KLF12: variants seen among roughly 807,000 people sequenced by gnomAD.
The protein encoded by KLF12 is Krueppel-like factor 12.
In KLF12, 9 loss-of-function variants were observed where a neutral mutation model predicts 37.8. That is an observed-to-expected ratio of 0.24 (90% CI 0.14 to 0.42). The LOEUF is 0.42. Among genes scored for constraint, KLF12 ranks in the 10% least tolerant of loss-of-function variants. The pLI is 1.00. For missense variants in KLF12, 411 were observed against 516.0 expected (o/e 0.80, Z 1.97); for synonymous variants, 208 against 202.1 (o/e 1.03, Z -0.25).
At chr13:74,089,813 A>G (rs1222235068) in intron 1 of KLF12, among the ~76,000 whole-genome samples, 1 of 151,578 alleles carries the variant, frequency 6.6e-6, no homozygotes, top group South Asian at 2.1e-4. Flanking sequence ...GAAAAAAAAA[A>G]AAAAAAAAAC....
At chr13:74,050,186 CA>C (rs1872820308) in intron 1 of KLF12, among the ~76,000 whole-genome samples, 1 of 152,064 alleles carries the variant, frequency 6.6e-6, no homozygotes, top group African/African-American at 2.4e-5. Flanking sequence ...AAGTAACTGA[CA>C]AATGTATTGG....
chr13:74,089,828 A>G (rs750903826), intron 1 of KLF12, among the ~76,000 whole-genome samples: 94 of 147,190 alleles, frequency 6.4e-4, no homozygotes, highest in Admixed American at 1.5e-3. Context: ...AAAAACAACC[A>G]TGGCTAGTAT....
the KLF12 span, among the ~76,000 whole-genome samples, chr13:74,162,275 GTCC>G: frequency 5.9e-5 from 9 of 152,304 alleles, no homozygotes; most frequent in African/African-American, 1.9e-4. Context: ...TTTGCCTACT[GTCC>G]TCCTCCTCAT....
chr13:73,913,872 CATATT>C (rs1197916736), intron 3 of KLF12, among the ~76,000 whole-genome samples: 3 of 152,150 alleles, frequency 2.0e-5, no homozygotes, highest in Non-Finnish European at 4.4e-5. Context: ...GTGATACAAA[CATATT>C]ATAATTGCAT....
chr13:74,150,127 G>A, the KLF12 span, among the ~76,000 whole-genome samples: 1 of 150,700 alleles, frequency 6.6e-6, no homozygotes, highest in Non-Finnish European at 1.5e-5. Context: ...AGTAAGGACT[G>A]ATTTTTTTTT....
At chr13:73,970,992 C>T (rs1167781220) in intron 2 of KLF12, among the ~76,000 whole-genome samples, 1 of 152,024 alleles carries the variant, frequency 6.6e-6, no homozygotes, top group Non-Finnish European at 1.5e-5. Context: ...GAGAAGGCAT[C>T]TTTGAAAAAC....
chr13:73,933,780 C>T (rs1020056472), intron 3 of KLF12, among the ~76,000 whole-genome samples: 2 of 152,224 alleles, frequency 1.3e-5, no homozygotes, highest in East Asian at 1.9e-4. Context: ...TATTTGCTCT[C>T]CTATACAGTT....
chr13:74,175,039 C>T, the KLF12 span, among the ~76,000 whole-genome samples: 7 of 152,178 alleles, frequency 4.6e-5, no homozygotes, highest in African/African-American at 9.7e-5. Flanking sequence ...CTGCAGATGC[C>T]ACAAGCATGG....
chr13:74,026,628 G>C (rs1925046), intron 1 of KLF12, among the ~76,000 whole-genome samples: 22,734 of 152,078 alleles, frequency 0.15, 2,252 homozygotes, highest in Middle Eastern at 0.24. Context: ...TCTGTTACAT[G>C]TATTTTACTA....
intron 5 of KLF12, chr13:73,802,016 T>C (rs552469857): frequency 1.3e-4 from 20 of 152,180 alleles, no homozygotes; most frequent in African/African-American, 4.8e-4. Flanking sequence ...CTTAACCCAA[T>C]AGTTTCCAAG....
At chr13:74,129,133 T>C (rs1878118815) in intron 1 of KLF12, among the ~76,000 whole-genome samples, 1 of 152,198 alleles carries the variant, frequency 6.6e-6, no homozygotes, top group South Asian at 2.1e-4. Context: ...AAGTCCGTTA[T>C]AAAAAATAAT....
intron 1 of KLF12, among the ~76,000 whole-genome samples, chr13:74,010,218 C>G (rs1476495843): frequency 6.6e-6 from 1 of 152,122 alleles, no homozygotes; most frequent in African/African-American, 2.4e-5. Context: ...ACCAGGATTA[C>G]AGGCAAGCAC....
chr13:74,078,454 G>A (rs771871152), intron 1 of KLF12, among the ~76,000 whole-genome samples: 67 of 152,114 alleles, frequency 4.4e-4, no homozygotes, highest in Non-Finnish European at 8.1e-4. Context: ...TCAAGCATTA[G>A]TTAAAACTGT....
intron 3 of KLF12, among the ~76,000 whole-genome samples, chr13:73,918,582 G>C (rs917424850): frequency 2.0e-5 from 3 of 152,102 alleles, no homozygotes; most frequent in Admixed American, 6.5e-5. Context: ...TCTGTGATGT[G>C]AGCTAGATAT....
At chr13:73,897,286 T>C (rs1385021590) in intron 3 of KLF12, among the ~76,000 whole-genome samples, 1 of 152,218 alleles carries the variant, frequency 6.6e-6, no homozygotes, top group African/African-American at 2.4e-5. Flanking sequence ...TTCCTTATTT[T>C]TATTTTGAAT....
the KLF12 span, among the ~76,000 whole-genome samples, chr13:74,162,739 G>C: frequency 6.6e-6 from 1 of 152,166 alleles, no homozygotes; most frequent in Non-Finnish European, 1.5e-5. Context: ...AGAGGCATTG[G>C]TTAAAGTGCC....
intron 1 of KLF12, among the ~76,000 whole-genome samples, chr13:74,079,882 T>G (rs889390962): frequency 2.6e-5 from 4 of 152,202 alleles, no homozygotes; most frequent in African/African-American, 9.7e-5. Flanking sequence ...CTTCTGGATA[T>G]ATATCTGAAA....
chr13:73,824,674 A>G (rs1044010069), intron 4 of KLF12, among the ~76,000 whole-genome samples: 2 of 152,202 alleles, frequency 1.3e-5, no homozygotes, highest in African/African-American at 4.8e-5. Context: ...TTTACTCTGT[A>G]AAATTGGATG....
chr13:73,922,896 T>G (rs557168464), intron 3 of KLF12, among the ~76,000 whole-genome samples: 12 of 152,284 alleles, frequency 7.9e-5, no homozygotes, highest in African/African-American at 2.6e-4. Flanking sequence ...CCCCCAGGCC[T>G]CCTCTGTAGG....
Sources: gnomAD v4.1 joint callset for allele counts (sites outside exome capture counted in the v4.1 genomes callset) on GRCh38, gnomAD v4.1.1 for gene constraint, MANE v1.5 for transcripts, NCBI Gene and HGNC (gene_info 2026-07-23, HGNC 2026-07-21) for gene names.